WWOX: variants seen among roughly 807,000 people sequenced by gnomAD.
The protein encoded by WWOX is WW domain containing oxidoreductase.
Under a neutral mutation model 46.2 loss-of-function variants are expected in WWOX, and 69 were observed. The observed-to-expected ratio is 1.49, with a 90% CI of 1.23 to 1.82. The LOEUF is 1.82. Ranked by LOEUF, WWOX falls within the 40% of genes most tolerant of loss-of-function variation. WWOX has a pLI of 0.00. For missense variants in WWOX, 919 were observed against 542.6 expected (o/e 1.69, Z -6.89); for synonymous variants, 359 against 202.6 (o/e 1.77, Z -6.56).
intron 8 of WWOX, among the ~76,000 whole-genome samples, chr16:79,097,611 G>A (rs2049103243): frequency 6.6e-6 from 1 of 152,174 alleles, no homozygotes. Context: ...CAGGTTCTGA[G>A]AATGACGACA....
intron 4 of WWOX, among the ~76,000 whole-genome samples, chr16:78,122,264 G>T (rs952076978): frequency 6.6e-6 from 1 of 152,188 alleles, no homozygotes; most frequent in Admixed American, 6.5e-5. Context: ...TACTGTCAGT[G>T]TGAACCTGAT....
intron 8 of WWOX, among the ~76,000 whole-genome samples, chr16:78,840,278 C>G (rs576493057): frequency 1.3e-5 from 2 of 152,310 alleles, no homozygotes; most frequent in South Asian, 2.1e-4. Flanking sequence ...CTGAACCTCT[C>G]TGTGCCTTGA....
Position 78,417,695 on chromosome 16 carries a change from A to G in WWOX, c.606-7175A>G, listed in dbSNP as rs1413046174. On this transcript the variant is annotated intron_variant, in intron 6 of 8. Coordinates refer to ENST00000566780, the MANE Select transcript of WWOX (RefSeq NM_016373.4). The stretch of plus-strand genomic sequence containing the variant: ...AATTATCCCTGCTACAAATTAGTAG[A>G]TTCTGCTTTGATTTGAAGCAGAGTC... Among the ~76,000 whole-genome samples the G allele has an allele frequency of 2.6e-5, 4 of 152,154 alleles. No homozygotes were observed. In the East Asian group the frequency reaches 7.7e-4, roughly 29 times the overall value.
intron 8 of WWOX, among the ~76,000 whole-genome samples, chr16:78,865,445 T>C (rs1597079200): frequency 6.6e-6 from 1 of 152,222 alleles, no homozygotes. Flanking sequence ...TGGCTCCTTC[T>C]CTTCCTTGCT....
At chr16:78,184,822 A>G (rs753179719) in intron 5 of WWOX, among the ~76,000 whole-genome samples, 9 of 152,244 alleles carry the variant, frequency 5.9e-5, no homozygotes, top group Non-Finnish European at 1.2e-4. Context: ...TCACATGTAC[A>G]GGATCAACAA....
chr16:78,629,829 G>A (rs2046386884), intron 8 of WWOX, among the ~76,000 whole-genome samples: 1 of 152,144 alleles, frequency 6.6e-6, no homozygotes, highest in African/African-American at 2.4e-5. Context: ...TTTAGAAATA[G>A]AAAAAACTAA....
intron 8 of WWOX, among the ~76,000 whole-genome samples, chr16:78,575,728 A>C (rs1332651694): frequency 6.6e-6 from 1 of 152,200 alleles, no homozygotes; most frequent in African/African-American, 2.4e-5. Context: ...TTTTAGCACT[A>C]TGAAGAAAAA....
intron 5 of WWOX, among the ~76,000 whole-genome samples, chr16:78,226,025 CAAAACAAAACAACG>C (rs1261118030): frequency 6.6e-6 from 1 of 152,012 alleles, no homozygotes; most frequent in Non-Finnish European, 1.5e-5. Flanking sequence ...CTTAAAAAAA[CAAAACAAAACAACG>C]AAAACTTGGC....
intron 5 of WWOX, among the ~76,000 whole-genome samples, chr16:78,173,248 C>T (rs2035220751): frequency 6.6e-6 from 1 of 152,136 alleles, no homozygotes; most frequent in Non-Finnish European, 1.5e-5. Flanking sequence ...AGTGTGAATA[C>T]TAACTCACTC....
At chr16:78,632,156 A>G (rs538793345) in intron 8 of WWOX, among the ~76,000 whole-genome samples, 1 of 152,192 alleles carries the variant, frequency 6.6e-6, no homozygotes, top group Non-Finnish European at 1.5e-5. Flanking sequence ...GCTGGGTTGA[A>G]TTCCAGTTCT....
At chr16:78,422,738 C>T (rs866873581) in intron 6 of WWOX, among the ~76,000 whole-genome samples, 30 of 101,378 alleles carry the variant, frequency 3.0e-4, no homozygotes, top group African/African-American at 2.0e-3. Flanking sequence ...TATACACACA[C>T]ATATATATAC....
Position 78,647,610 on chromosome 16 carries a change from A to G in WWOX, c.1056+214858A>G, listed in dbSNP as rs1190134538. ...GGCAGATTCCTCCCCATTCTATAAA[A>G]TAACAGCTACCATTTCCTGAGGGCA... On this transcript the variant is annotated intron_variant, in intron 8 of 8. Coordinates refer to ENST00000566780, the MANE Select transcript of WWOX (RefSeq NM_016373.4). Among the ~76,000 whole-genome samples, 3 of 152,338 alleles carry G rather than the reference A, an allele frequency of 2.0e-5. No homozygotes were observed. In the East Asian group the frequency reaches 5.8e-4, roughly 29 times the overall value.
intron 5 of WWOX, among the ~76,000 whole-genome samples, chr16:78,217,850 A>G (rs1471428634): frequency 6.6e-6 from 1 of 152,180 alleles, no homozygotes; most frequent in African/African-American, 2.4e-5. Context: ...TCAGCATATA[A>G]GCTGGAAGTG....
At chr16:78,193,365 C>A (rs937663994) in intron 5 of WWOX, among the ~76,000 whole-genome samples, 5 of 152,106 alleles carry the variant, frequency 3.3e-5, no homozygotes, top group Non-Finnish European at 5.9e-5. Flanking sequence ...TCTCAAGCTC[C>A]CAGAAGTAGC....
chr16:78,787,400 A>G (rs1011803662), intron 8 of WWOX, among the ~76,000 whole-genome samples: 14 of 152,236 alleles, frequency 9.2e-5, no homozygotes, highest in South Asian at 8.3e-4. Flanking sequence ...TGGATATCTC[A>G]TATAAATGGA....
At chr16:78,246,598 A>G (rs776605602) in intron 5 of WWOX, among the ~76,000 whole-genome samples, 2 of 152,190 alleles carry the variant, frequency 1.3e-5, no homozygotes, top group Non-Finnish European at 2.9e-5. Flanking sequence ...TCTTCCATCA[A>G]GTTGGTGAAG....
chr16:78,549,494 C>T (rs968068152), intron 8 of WWOX, among the ~76,000 whole-genome samples: 10 of 152,088 alleles, frequency 6.6e-5, no homozygotes, highest in African/African-American at 1.7e-4. Context: ...AAAGTTGGAT[C>T]GACCATTAAT....
chr16:79,000,080 C>T (rs1056446248), intron 8 of WWOX, among the ~76,000 whole-genome samples: 3 of 152,102 alleles, frequency 2.0e-5, no homozygotes, highest in Non-Finnish European at 4.4e-5. Context: ...GGATAAAAAC[C>T]AGGATCCTTC....
At chr16:78,483,309 CAG>C (rs921063083) in intron 8 of WWOX, among the ~76,000 whole-genome samples, 11 of 151,762 alleles carry the variant, frequency 7.2e-5, no homozygotes, top group Non-Finnish European at 1.0e-4. Context: ...AGACGGGTCT[CAG>C]TGAGGTGTGC....
Sources: gnomAD v4.1 joint callset for allele counts (sites outside exome capture counted in the v4.1 genomes callset) on GRCh38, gnomAD v4.1.1 for gene constraint, MANE v1.5 for transcripts, NCBI Gene and HGNC (gene_info 2026-07-23, HGNC 2026-07-21) for gene names.